Variants in NCOR2 observed in about 807,000 individuals in gnomAD.
NCOR2 encodes CTG repeat protein 26.
Under a neutral mutation model 262.9 loss-of-function variants are expected in NCOR2, and 81 were observed. The ratio of observed to expected loss-of-function variants is 0.31; its 90% confidence interval spans 0.26 to 0.37. The LOEUF is 0.37. NCOR2 is among the 10% of genes least tolerant of loss of function. The pLI is 1.00. For synonymous variants in NCOR2, 1,659 were observed against 1,559.3 expected (o/e 1.06, Z -1.51); for missense variants, 3,385 against 3,621.4 (o/e 0.93, Z 1.68).
exon 14 of NCOR2, chr12:124,402,536 T>G: frequency 1.9e-6 from 3 of 1,570,654 alleles, no homozygotes; most frequent in Non-Finnish European, 2.6e-6. Context: ...CTGCTGCTGC[T>G]GCTGCTGCTG....
chr12:124,344,835 C>A, exon 32 of NCOR2: 1 of 1,563,286 alleles, frequency 6.4e-7, no homozygotes, highest in Non-Finnish European at 8.7e-7. Context: ...CGTCGGCCAT[C>A]ACATCCAGCG....
upstream of NCOR2, among the ~76,000 whole-genome samples, chr12:124,495,990 G>A (rs2048358108): frequency 6.6e-6 from 1 of 152,136 alleles, no homozygotes; most frequent in African/African-American, 2.4e-5. The surrounding 1 kb of genome is among the most constrained non-coding windows in gnomAD (Gnocchi z 4.4). Flanking sequence ...AGAGCCAAGG[G>A]CAGAATGACA....
intron 11 of NCOR2, among the ~76,000 whole-genome samples, chr12:124,424,219 A>G (rs1366096183): frequency 2.6e-5 from 4 of 152,184 alleles, no homozygotes; most frequent in Non-Finnish European, 5.9e-5. Flanking sequence ...TTTGTATTTC[A>G]GAAAAAATAC....
At chr12:124,384,559 A>G (rs1204802883) in intron 17 of NCOR2, among the ~76,000 whole-genome samples, 1 of 152,166 alleles carries the variant, frequency 6.6e-6, no homozygotes, top group East Asian at 1.9e-4. Flanking sequence ...GCGCGCACAC[A>G]TGACTCACTA....
At chr12:124,367,108 A>G (rs1223941381) in intron 20 of NCOR2, among the ~76,000 whole-genome samples, 1 of 152,232 alleles carries the variant, frequency 6.6e-6, no homozygotes, top group Non-Finnish European at 1.5e-5. Context: ...CCACTGTCCC[A>G]TGCAGTCTGC....
chr12:124,364,686 C>T (rs981040814), intron 20 of NCOR2, among the ~76,000 whole-genome samples: 3 of 152,188 alleles, frequency 2.0e-5, no homozygotes, highest in Non-Finnish European at 4.4e-5. Flanking sequence ...GGGTATAGCA[C>T]CTGCCATAAT....
intron 4 of NCOR2, 126 bp downstream of exon 6, chr12:124,472,826 G>A: frequency 8.0e-7 from 1 of 1,245,826 alleles, no homozygotes; most frequent in Non-Finnish European, 1.2e-6. Context: ...TAAACGTAAA[G>A]GGCATAAAAA....
intron 16 of NCOR2, among the ~76,000 whole-genome samples, chr12:124,390,027 G>T (rs567270196): frequency 6.6e-6 from 1 of 152,224 alleles, no homozygotes; most frequent in East Asian, 1.9e-4. Flanking sequence ...TAAAAATCTG[G>T]GGAGCAGAAG....
At position 124,522,703 on chromosome 12, in the gene NCOR2, G is replaced by T. The variant is rs951621798; in HGVS notation, c.-118+12862C>A. ...CCAAAGCCAAGACCTCAAAGTGGCA[G>T]CAGTCGCATGCCCGGAAACACCTTT... On this transcript the variant is annotated intron_variant, in intron 1 of 46. Coordinates refer to the NCOR2 transcript ENST00000404621. Among the ~76,000 whole-genome samples, 4 of 152,362 alleles carry T rather than the reference G, an allele frequency of 2.6e-5. No individual in the cohort carries two copies. The South Asian group carries it at 8.3e-4, about 32-fold the overall frequency.
chr12:124,520,530 C>T (rs921113271), intron 1 of NCOR2, among the ~76,000 whole-genome samples: 2 of 152,170 alleles, frequency 1.3e-5, no homozygotes, highest in African/African-American at 4.8e-5. Flanking sequence ...GTGCTATGGG[C>T]AGGTTTGACA....
At chr12:124,409,031 C>A (rs2042426109) in intron 13 of NCOR2, among the ~76,000 whole-genome samples, 2 of 152,228 alleles carry the variant, frequency 1.3e-5, no homozygotes, top group African/African-American at 4.8e-5. Context: ...ACAAACGCAG[C>A]TTCCCCCTAC....
In NCOR2 at chr12:124,457,256, A is replaced by G; in HGVS notation, c.706-94T>C. On this transcript the variant is annotated intron_variant, in intron 5 of 46. Coordinates refer to ENST00000405201, the Ensembl canonical transcript of NCOR2. The surrounding 1 kb of genome is among the most constrained non-coding windows in gnomAD (Gnocchi z 4.0). ...TTCCCGGAGCAGCGGGCACCTGCCC[A>G]GCCCAGTCCAGCATGCTGATCCTCA... 6 of 1,315,884 alleles carry G rather than the reference A, an allele frequency of 4.6e-6. No individual in the cohort carries two copies. Among genetic ancestry groups the G allele is most frequent in the Non-Finnish European group, 6.1e-6 (6 of 984,848 alleles). 81.5% of individuals were successfully genotyped at this position (1,315,884 alleles called of 1,614,324 possible). A position where few individuals can be genotyped will look rare whatever the true frequency, so the allele number is the denominator to read the frequency against.
chr12:124,325,388 C>CCT (rs1555297214), exon 47 of NCOR2: 6 of 693,384 alleles, frequency 8.7e-6, no homozygotes, highest in African/African-American at 4.0e-5. Context: ...CCCCCCCCCC[C>CCT]GCCCTGTTCT....
chr12:124,356,780 A>C (rs764940434), exon 23 of NCOR2: 70 of 1,472,146 alleles, frequency 4.8e-5, no homozygotes, highest in Non-Finnish European at 6.0e-5. Flanking sequence ...TCGGCTGCGA[A>C]GGCTGGGAAG....
In NCOR2 at chr12:124,549,495, C is replaced by T. The variant is rs1406773409; in HGVS notation, c.-164-13884G>A. Among the ~76,000 whole-genome samples, 1 of 152,012 alleles carries T rather than the reference C, an allele frequency of 6.6e-6. No homozygotes were observed. Among genetic ancestry groups the T allele is most frequent in the Admixed American group, 6.5e-5 (1 of 15,272 alleles). On this transcript the variant is annotated intron_variant, in intron 1 of 32. Coordinates refer to the NCOR2 transcript ENST00000458234. The surrounding 1 kb of genome is among the most constrained non-coding windows in gnomAD (Gnocchi z 4.4). ...GAGCCCCCTGCAGTAGAAACCCCCA[C>T]CCGCGAGGCCAGGCACAGAGAAGGT...
rs374008610 is a variant in NCOR2 at position 124,394,093 on chromosome 12, T to A, written c.1876+4026A>T. Among the ~76,000 whole-genome samples, 67 of 152,304 alleles carry A rather than the reference T, an allele frequency of 4.4e-4. No homozygotes were observed. In the East Asian group the frequency reaches 0.012, roughly 26 times the overall value. On this transcript the variant is annotated intron_variant, in intron 16 of 46. Transcript: ENST00000405201. ...CCAAAGTGTAGGTACCTGCTCAGGG[T>A]CAGACTCTGCAGGAGGCACAGCTGG...
chr12:124,474,662 T>A (rs2047003784), intron 3 of NCOR2, among the ~76,000 whole-genome samples: 1 of 152,182 alleles, frequency 6.6e-6, no homozygotes, highest in African/African-American at 2.4e-5. Context: ...CAGTTCCTCA[T>A]CTGCCCAATG....
intron 16 of NCOR2, among the ~76,000 whole-genome samples, chr12:124,394,397 T>C (rs779960951): frequency 1.3e-5 from 2 of 152,196 alleles, no homozygotes; most frequent in Non-Finnish European, 2.9e-5. Context: ...AGCTCTTCTG[T>C]GTACTTTCAC....
intron 31 of NCOR2, 44 bp downstream of exon 33, chr12:124,346,520 A>G: frequency 6.8e-7 from 1 of 1,462,034 alleles, no homozygotes; most frequent in Non-Finnish European, 9.0e-7. Flanking sequence ...AGCCACCGCC[A>G]CCCCTCCTAG....
Sources: gnomAD v4.1 joint callset for allele counts (sites outside exome capture counted in the v4.1 genomes callset) on GRCh38, gnomAD v4.1.1 for gene constraint, Gnocchi (gnomAD v3.1) non-coding constraint, MANE v1.5 for transcripts, NCBI Gene and HGNC (gene_info 2026-07-23, HGNC 2026-07-21) for gene names.